Variants in WDR35 observed in about 807,000 individuals in gnomAD.
WDR35 encodes WD repeat domain 35, also known as WD repeat-containing protein 35.
WDR35 carries 118 observed loss-of-function variants against 158.3 expected under a neutral mutation model. That is an observed-to-expected ratio of 0.75 (90% CI 0.64 to 0.87). WDR35 has a LOEUF of 0.87. WDR35 is among the 40% of genes least tolerant of loss of function. The probability of loss-of-function intolerance (pLI) is 0.00; values close to 1 mark genes in which losing one functional copy is unlikely to be tolerated. For synonymous variants in WDR35, 448 were observed against 476.1 expected (o/e 0.94, Z 0.77); for missense variants, 1,263 against 1,405.8 (o/e 0.90, Z 1.62).
intron 11 of WDR35, among the ~76,000 whole-genome samples, chr2:19,958,688 T>G (rs1671530462): frequency 6.6e-6 from 1 of 152,214 alleles, no homozygotes; most frequent in African/African-American, 2.4e-5. Context: ...AGAAGTTAAT[T>G]AGACGTAGAT....
rs1018208892 is a variant in WDR35, at chr2:19,934,273, T to TA, written c.2548-763dup. Among the ~76,000 whole-genome samples the TA allele has an allele frequency of 1.8e-4, 28 of 151,908 alleles. No homozygotes were observed. The highest frequency in any genetic ancestry group is 6.6e-5 in the Admixed American group (1 of 15,224). ...ATTATAAGGGAATACATTCTATCTG[T>TA]AAAAAAAATTACAAAACATGAAAAA... On this transcript the variant is annotated intron_variant, in intron 21 of 26. Transcript: ENST00000281405. This position sits in a 1 kb window ranked among gnomAD's most constrained non-coding sequence, Gnocchi z 4.6.
intron 7 of WDR35, 133 bp from the exon 8 acceptor site, chr2:19,973,841 C>T: frequency 3.9e-6 from 5 of 1,269,396 alleles, no homozygotes; most frequent in Non-Finnish European, 5.5e-6. Context: ...GGTACAACGG[C>T]TCACGCCTAT....
Position 19,910,948 on chromosome 2 carries a change from C to T in WDR35, c.*2610G>A, listed in dbSNP as rs761732001. ...GTCTATATACATATGCGCGCACACA[C>T]ACACGCACACAAAATTAGGTCCACA... On this transcript the variant is annotated 3_prime_UTR_variant, in exon 27 of 27. Transcript: ENST00000281405. The T allele has an allele frequency of 1.3e-5, 2 of 152,170 alleles. No individual in the cohort carries two copies. The highest frequency in any genetic ancestry group is 2.9e-5 in the Non-Finnish European group (2 of 68,034). 9.4% of individuals were successfully genotyped at this position (152,170 alleles called of 1,614,324 possible).
chr2:19,981,325 A>G (rs1415421873), intron 3 of WDR35, among the ~76,000 whole-genome samples: 1 of 152,090 alleles, frequency 6.6e-6, no homozygotes, highest in Non-Finnish European at 1.5e-5. Flanking sequence ...TTTCCTAAAA[A>G]TAAAGACATT....
At chr2:19,926,800 T>C (rs1310231822) in intron 25 of WDR35, among the ~76,000 whole-genome samples, 3 of 152,206 alleles carry the variant, frequency 2.0e-5, no homozygotes, top group Non-Finnish European at 4.4e-5. Flanking sequence ...TATGCTTGTG[T>C]TTCTCCAGGC....
intron 25 of WDR35, among the ~76,000 whole-genome samples, chr2:19,916,081 G>A (rs905375415): frequency 6.6e-6 from 1 of 152,170 alleles, no homozygotes; most frequent in Non-Finnish European, 1.5e-5. Context: ...TGGACAGTGG[G>A]TGCAGCCCAA....
At chr2:19,957,776 C>T (rs916015883) in intron 11 of WDR35, among the ~76,000 whole-genome samples, 1 of 152,280 alleles carries the variant, frequency 6.6e-6, no homozygotes, top group South Asian at 2.1e-4. Flanking sequence ...TGGTCTTGAA[C>T]TCCTGACCTC....
intron 10 of WDR35, among the ~76,000 whole-genome samples, chr2:19,961,724 G>A (rs973404562): frequency 6.6e-6 from 1 of 152,162 alleles, no homozygotes; most frequent in African/African-American, 2.4e-5. Flanking sequence ...CATTTTGCTT[G>A]TTGACTTTCT....
At chr2:19,940,090 C>T (rs1048825011) in intron 17 of WDR35, among the ~76,000 whole-genome samples, 1 of 150,608 alleles carries the variant, frequency 6.6e-6, no homozygotes, top group African/African-American at 2.4e-5. Context: ...TGGTGGCTCA[C>T]GCCTGTAATC....
chr2:19,946,354 G>T, intron 15 of WDR35, 107 bp downstream of exon 15: 1 of 981,702 alleles, frequency 1.0e-6, no homozygotes, highest in Non-Finnish European at 1.6e-6. Flanking sequence ...TTTAAGACAA[G>T]TTCATAATAG....
At chr2:19,986,257 C>T (rs1271366992) in intron 2 of WDR35, among the ~76,000 whole-genome samples, 1 of 152,168 alleles carries the variant, frequency 6.6e-6, no homozygotes, top group East Asian at 1.9e-4. Context: ...ATAGGAGATA[C>T]CTGTGAAAGA....
intron 23 of WDR35, 50 bp from the exon 24 acceptor site, chr2:19,931,459 A>G: frequency 6.2e-7 from 1 of 1,601,978 alleles, no homozygotes; most frequent in Non-Finnish European, 8.5e-7. Flanking sequence ...CTATATTTGT[A>G]CAAATACAAT....
intron 9 of WDR35, among the ~76,000 whole-genome samples, chr2:19,967,741 G>A (rs1272657718): frequency 6.6e-6 from 1 of 151,986 alleles, no homozygotes; most frequent in African/African-American, 2.4e-5. Flanking sequence ...AATAGTTTTA[G>A]ATGGACAGAA....
At chr2:19,950,513 A>T (rs1161896870) in intron 13 of WDR35, among the ~76,000 whole-genome samples, 1 of 152,182 alleles carries the variant, frequency 6.6e-6, no homozygotes, top group Non-Finnish European at 1.5e-5. Context: ...GTTGTTTTTA[A>T]GATGGCATCT....
intron 18 of WDR35, 48 bp downstream of exon 18, chr2:19,938,217 T>A (rs746426969): frequency 6.2e-7 from 1 of 1,613,340 alleles, no homozygotes. Flanking sequence ...ACTGAGACTT[T>A]AAAAACCTAC....
intron 25 of WDR35, among the ~76,000 whole-genome samples, chr2:19,923,404 G>A (rs1462538673): frequency 6.6e-6 from 1 of 152,190 alleles, no homozygotes; most frequent in Non-Finnish European, 1.5e-5. Flanking sequence ...AAGCATCAGG[G>A]TAACAATGGG....
At chr2:19,931,235 C>T (rs759650752) in intron 24 of WDR35, 34 bp downstream of exon 24, 1 of 1,604,902 alleles carries the variant, frequency 6.2e-7, no homozygotes, top group Non-Finnish European at 8.5e-7. Flanking sequence ...TAAACACTTC[C>T]AATGATGTAA....
chr2:19,938,014 C>T, intron 18 of WDR35, 68 bp from the exon 19 acceptor site: 1 of 1,542,974 alleles, frequency 6.5e-7, no homozygotes, highest in Non-Finnish European at 8.9e-7. Flanking sequence ...TCTTGAATCA[C>T]AATTCAATTA....
intron 2 of WDR35, among the ~76,000 whole-genome samples, chr2:19,987,823 C>CA (rs34794090): frequency 0.41 from 23,370 of 56,452 alleles, 4,221 homozygotes; most frequent in East Asian, 0.51. Context: ...AACTCTGTCT[C>CA]AAAAAAAAAA....
Sources: allele counts gnomAD v4.1 joint callset (sites outside exome capture counted in the v4.1 genomes callset), GRCh38; gene constraint gnomAD v4.1.1; non-coding constraint Gnocchi (gnomAD v3.1); transcripts MANE v1.5; gene names NCBI Gene and HGNC (gene_info 2026-07-23, HGNC 2026-07-21).